The following DENND2B variants were observed in gnomAD, a reference collection of about 807,000 sequenced individuals.
DENND2B encodes DENN domain containing 2B.
In DENND2B, 32 loss-of-function variants were observed where a neutral mutation model predicts 116.0. That is an observed-to-expected ratio of 0.28 (90% CI 0.21 to 0.37). The LOEUF (loss-of-function observed/expected upper bound fraction) is 0.37, where lower values mean the gene tolerates loss of function less well. Among genes scored for constraint, DENND2B ranks in the 10% least tolerant of loss-of-function variants. DENND2B has a pLI of 1.00. For missense variants in DENND2B, 1,276 were observed against 1,477.7 expected (o/e 0.86, Z 2.24); for synonymous variants, 588 against 583.9 (o/e 1.01, Z -0.10).
chr11:8,726,286 A>G, intron 3 of DENND2B, 77 bp from the exon 4 acceptor site: 1 of 1,529,842 alleles, frequency 6.5e-7, no homozygotes, highest in Middle Eastern at 1.9e-4. Context: ...CCATGGCAAC[A>G]GCAAAGACCA....
At chr11:8,698,166 A>AAAAAAAAAAAAAAAG (rs1555092981) in intron 16 of DENND2B, among the ~76,000 whole-genome samples, 1 of 129,448 alleles carries the variant, frequency 7.7e-6, no homozygotes, top group Non-Finnish European at 1.6e-5. Flanking sequence ...AAAAAAAAAA[A>AAAAAAAAAAAAAAAG]GGGGGTAGAG....
At chr11:8,739,428 C>T (rs1257424228) in intron 2 of DENND2B, among the ~76,000 whole-genome samples, 3 of 152,378 alleles carry the variant, frequency 2.0e-5, no homozygotes, top group Middle Eastern at 6.8e-3. Context: ...TCCTCACACA[C>T]CAGCTGTGTG....
chr11:8,880,667 A>G (rs2742539), intron 2 of DENND2B, among the ~76,000 whole-genome samples: 142,871 of 152,146 alleles, frequency 0.94, 67,721 homozygotes, highest in East Asian at 1. Flanking sequence ...ATGGTCACGC[A>G]TGTTATCTCC....
intron 1 of DENND2B, among the ~76,000 whole-genome samples, chr11:8,760,955 AAAGT>A (rs1281261540): frequency 1.3e-5 from 2 of 152,284 alleles, no homozygotes; most frequent in South Asian, 2.1e-4. Context: ...ATCAGAAAAA[AAAGT>A]AAGAACTTTT....
chr11:8,699,448 G>T, intron 14 of DENND2B, 58 bp from the exon 15 acceptor site: 1 of 1,506,812 alleles, frequency 6.6e-7, no homozygotes, highest in South Asian at 1.3e-5. Context: ...CTTAGAGCTC[G>T]CTGGAGGCTC....
rs146727167 is a variant in DENND2B, at chr11:8,854,952, T to A, written c.-156+2391A>T. On this transcript the variant is annotated intron_variant, in intron 3 of 6. Coordinates refer to the DENND2B transcript ENST00000524757. ...GTCTCAAACTCCTGGCCTCAAGTGA[T>A]CCGCCTGCCTCGGCTTCTCTACAAA... Among the ~76,000 whole-genome samples the A allele has an allele frequency of 3.3e-3, 499 of 152,218 alleles. 5 individuals are homozygous for A. The highest frequency in any genetic ancestry group is 0.012 in the African/African-American group (478 of 41,542).
At chr11:8,700,735 A>C (rs1298732973) in intron 14 of DENND2B, among the ~76,000 whole-genome samples, 1 of 152,030 alleles carries the variant, frequency 6.6e-6, no homozygotes, top group Non-Finnish European at 1.5e-5. Flanking sequence ...GTTGCCAATA[A>C]CCCATCCTGT....
Position 8,707,898 on chromosome 11 carries a change from A to C in DENND2B, c.2353-44T>G. The C allele has an allele frequency of 1.3e-6, 2 of 1,580,612 alleles. No homozygotes were observed. The highest frequency in any genetic ancestry group is 1.2e-5 in the South Asian group (1 of 86,688). On this transcript the variant is annotated intron_variant, in intron 11 of 19. Coordinates refer to ENST00000313726, the MANE Select transcript of DENND2B (RefSeq NM_213618.2). This position sits in a 1 kb window ranked among gnomAD's most constrained non-coding sequence, Gnocchi z 4.8. The stretch of plus-strand genomic sequence containing the variant: ...GAGGAGGAGAGAGACAGACACAGAG[A>C]ATGCATGATTACCATTTCTGGCTCC...
chr11:8,775,712 A>AATAT (rs2057533078), intron 1 of DENND2B, among the ~76,000 whole-genome samples: 1 of 152,182 alleles, frequency 6.6e-6, no homozygotes, highest in African/African-American at 2.4e-5. Context: ...ATAAGAGCCA[A>AATAT]ATATAGCCAA....
chr11:8,754,883 C>T (rs560099661), intron 1 of DENND2B, among the ~76,000 whole-genome samples: 3 of 152,182 alleles, frequency 2.0e-5, no homozygotes, highest in Non-Finnish European at 4.4e-5. Flanking sequence ...CAGAATGGGA[C>T]ATGGCTGATA....
At chr11:8,696,152 C>G (rs1272977158) in intron 18 of DENND2B, among the ~76,000 whole-genome samples, 1 of 152,136 alleles carries the variant, frequency 6.6e-6, no homozygotes, top group Non-Finnish European at 1.5e-5. Context: ...TCCTATCTTT[C>G]TCTTTGAGGA....
chr11:8,744,873 C>T (rs2050946042), intron 2 of DENND2B, among the ~76,000 whole-genome samples: 1 of 151,916 alleles, frequency 6.6e-6, no homozygotes, highest in Admixed American at 6.6e-5. Context: ...TAAGGAGCTG[C>T]ACACAAGGAA....
intron 1 of DENND2B, among the ~76,000 whole-genome samples, chr11:8,754,048 C>CACACAT (rs1272832317): frequency 2.6e-5 from 4 of 152,012 alleles, no homozygotes; most frequent in African/African-American, 9.7e-5. Flanking sequence ...CACACACACA[C>CACACAT]ACACACACAC....
At chr11:8,767,977 A>G (rs2056171981) in intron 1 of DENND2B, among the ~76,000 whole-genome samples, 1 of 152,154 alleles carries the variant, frequency 6.6e-6, no homozygotes. Context: ...GTATAGACTC[A>G]TCTATACCAA....
At chr11:8,809,294 T>G (rs549035399) in intron 1 of DENND2B, 3 of 152,336 alleles carry the variant, frequency 2.0e-5, no homozygotes, top group African/African-American at 7.2e-5. Context: ...GATCCGAAGT[T>G]AATCAGAATG....
chr11:8,792,676 C>T lies in DENND2B; in HGVS notation c.-26+17841G>A, dbSNP rs1007765276. The stretch of plus-strand genomic sequence containing the variant: ...CAACTACCAGAAAGATAAAAAGATG[C>T]TAATTTCATTAATAACTGAAGACAT... On this transcript the variant is annotated intron_variant, in intron 1 of 19. Coordinates refer to ENST00000313726, the MANE Select transcript of DENND2B (RefSeq NM_213618.2). Among the ~76,000 whole-genome samples the T allele has an allele frequency of 3.3e-5, 5 of 152,282 alleles. No individual in the cohort carries two copies. In the East Asian group the frequency reaches 9.6e-4, roughly 29 times the overall value.
intron 3 of DENND2B, among the ~76,000 whole-genome samples, chr11:8,841,409 T>C (rs773503698): frequency 2.0e-5 from 3 of 152,124 alleles, no homozygotes; most frequent in Non-Finnish European, 2.9e-5. Flanking sequence ...GAGACCAAGC[T>C]TGGAGGATCG....
At position 8,779,161 on chromosome 11, in the gene DENND2B, G is replaced by A. The variant is rs184293332; in HGVS notation, c.-25-28436C>T. 2.6e-5 allele frequency among the ~76,000 whole-genome samples: 4 copies of A among 152,374 alleles called. No homozygotes were observed. In the South Asian group the frequency reaches 6.2e-4, roughly 24 times the overall value. ...AGAAAGACAGGACAATGGAGTGGTG[G>A]AGGGGACAGAGCAGCTCTGGACGGG... On this transcript the variant is annotated intron_variant, in intron 1 of 19. Transcript: ENST00000313726.
intron 3 of DENND2B, among the ~76,000 whole-genome samples, chr11:8,842,661 A>C (rs2062665343): frequency 6.6e-6 from 1 of 152,162 alleles, no homozygotes; most frequent in African/African-American, 2.4e-5. Context: ...AAATTGTCAT[A>C]AATATTTTTT....
Sources: allele counts gnomAD v4.1 joint callset (sites outside exome capture counted in the v4.1 genomes callset), GRCh38; gene constraint gnomAD v4.1.1; non-coding constraint Gnocchi (gnomAD v3.1); transcripts MANE v1.5; gene names NCBI Gene and HGNC (gene_info 2026-07-23, HGNC 2026-07-21).